Variants in MTFR1L observed in about 807,000 individuals in gnomAD.
MTFR1L encodes the protein mitochondrial fission regulator 1 like.
MTFR1L carries 10 observed loss-of-function variants against 27.9 expected under a neutral mutation model. That is an observed-to-expected ratio of 0.36 (90% CI 0.22 to 0.61). The LOEUF is 0.61. MTFR1L is among the 20% of genes least tolerant of loss of function. The probability of loss-of-function intolerance (pLI) is 0.73; values close to 1 mark genes in which losing one functional copy is unlikely to be tolerated. For synonymous variants in MTFR1L, 151 were observed against 139.4 expected (o/e 1.08, Z -0.58); for missense variants, 315 against 363.7 (o/e 0.87, Z 1.09).
Position 25,832,161 on chromosome 1 carries a change from G to C in MTFR1L, c.*135G>C, listed in dbSNP as rs1452088194. The C allele has an allele frequency of 6.4e-7, 1 of 1,556,820 alleles. No homozygotes were observed. Among genetic ancestry groups the C allele is most frequent in the Admixed American group, 1.9e-5 (1 of 51,904 alleles). ...TTGCTGACAAGCTAGAGCTTGGACT[G>C]AAAGAGAAGAGCTGGATTATATATT... On this transcript the variant is annotated 3_prime_UTR_variant, in exon 7 of 7. Transcript: ENST00000374303.
rs1175361277 is a variant in MTFR1L, at chr1:25,832,619, G to GT, written c.*601dup. 12 of 166,832 alleles carry GT rather than the reference G, an allele frequency of 7.2e-5. No homozygotes were observed. The highest frequency in any genetic ancestry group is 5.3e-5 in the Non-Finnish European group (4 of 74,914). 10.3% of individuals were successfully genotyped at this position (166,832 alleles called of 1,614,324 possible). On this transcript the variant is annotated 3_prime_UTR_variant, in exon 7 of 7. Coordinates refer to ENST00000374303, the MANE Select transcript of MTFR1L (RefSeq NM_001099625.2). The stretch of plus-strand genomic sequence containing the variant: ...GGGCTACTGCTGGGAAGCCTGGGCT[G>GT]TTTTTTTTCTTAAACACATTTTATA...
intron 2 of MTFR1L, 52 bp from the exon 3 acceptor site, chr1:25,823,592 G>A (rs1487334914): frequency 4.4e-6 from 7 of 1,596,430 alleles, no homozygotes; most frequent in Non-Finnish European, 6.0e-6. Context: ...GACAAGGACA[G>A]TAGTTGGATT....
rs2048063303 is a variant in MTFR1L at position 25,819,990 on chromosome 1, G to C, written c.-126G>C. On this transcript the variant is annotated 5_prime_UTR_variant, in exon 1 of 7. Coordinates refer to ENST00000374303, the MANE Select transcript of MTFR1L (RefSeq NM_001099625.2). ...GGCTGGGCGGCCCAAGGTGGAAGGA[G>C]GGGCCGTGAGGTGAGAGAGTCCGGG... 1 of 334,200 alleles carries C rather than the reference G, an allele frequency of 3.0e-6. No individual in the cohort carries two copies. Among genetic ancestry groups the C allele is most frequent in the East Asian group, 1.1e-4 (1 of 9,124 alleles). The allele number at this position is 334,200 out of a possible 1,614,324, so 20.7% of individuals were successfully genotyped here.
At position 25,832,007 on chromosome 1, in the gene MTFR1L, T is replaced by G. The variant is rs190048702; in HGVS notation, c.860T>G (p.Ile287Ser). 8 of 1,614,050 alleles carry G rather than the reference T, an allele frequency of 5.0e-6. No homozygotes were observed. The highest frequency in any genetic ancestry group is 1.6e-4 in the Middle Eastern group (1 of 6,084). The change falls in exon 7 of 7, where the codon ATC (isoleucine) becomes AGC (serine). Residue 287 changes from isoleucine to serine, a missense_variant. Transcript: ENST00000374303. ...RRKFALKEEDISRKGN is the reference protein window; with the variant it reads ...RRKFALKEEDSSRKGN ...AAGTTTGCTCTAAAGGAAGAAGATA[T>G]CAGTAGAAAAGGAAATTGACAACCC... is the stretch of plus-strand genomic sequence containing the variant.
chr1:25,831,092 CAGA>C (rs2048233927), intron 6 of MTFR1L, among the ~76,000 whole-genome samples: 1 of 152,200 alleles, frequency 6.6e-6, no homozygotes. Context: ...GTCCTCAGAT[CAGA>C]AGGAGCTGGG....
intron 6 of MTFR1L, 48 bp from the exon 7 acceptor site, chr1:25,831,873 G>A: frequency 7.0e-7 from 1 of 1,422,022 alleles, no homozygotes; most frequent in Non-Finnish European, 9.9e-7. Context: ...AAGATATACA[G>A]CACTACACAG....
Position 25,826,526 on chromosome 1 carries a change from A to C in MTFR1L, c.240-89A>C. 1 of 1,573,074 alleles carries C rather than the reference A, an allele frequency of 6.4e-7. No individual in the cohort carries two copies. The highest frequency in any genetic ancestry group is 1.1e-5 in the South Asian group (1 of 89,762). ...GCTCAGAGAGGAGCAGAACCTTACTATACTACTCTCACAGAAGTGGGGGAA... is the reference window on the plus strand; with the variant it reads ...GCTCAGAGAGGAGCAGAACCTTACTCTACTACTCTCACAGAAGTGGGGGAA... On this transcript the variant is annotated intron_variant, in intron 4 of 6. Coordinates refer to ENST00000374303, the MANE Select transcript of MTFR1L (RefSeq NM_001099625.2). The surrounding 1 kb of genome is among the most constrained non-coding windows in gnomAD (Gnocchi z 4.1).
At chr1:25,825,178 C>G (rs767909633) in intron 3 of MTFR1L, among the ~76,000 whole-genome samples, 1 of 152,004 alleles carries the variant, frequency 6.6e-6, no homozygotes, top group South Asian at 2.1e-4. Flanking sequence ...AATGCAGGAG[C>G]GATCAATCCT....
chr1:25,829,845 A>C lies in MTFR1L; in HGVS notation c.773+15A>C. On this transcript the variant is annotated intron_variant, in intron 6 of 6. Transcript: ENST00000374303. ...AGTCAAGATCTGTAAGTATCTGATG[A>C]GGAGCTCTGGTATCTATTTACTCAG... 1 of 1,581,794 alleles carries C rather than the reference A, an allele frequency of 6.3e-7. No homozygotes were observed. The highest frequency in any genetic ancestry group is 8.6e-7 in the Non-Finnish European group (1 of 1,168,750).
chr1:25,819,995 C>T lies in MTFR1L; in HGVS notation c.-121C>T, dbSNP rs183283816. On this transcript the variant is annotated 5_prime_UTR_variant, in exon 1 of 7. Transcript: ENST00000374303. The stretch of plus-strand genomic sequence containing the variant: ...GGCGGCCCAAGGTGGAAGGAGGGGC[C>T]GTGAGGTGAGAGAGTCCGGGAGCCC... 4 of 340,910 alleles carry T rather than the reference C, an allele frequency of 1.2e-5. No homozygotes were observed. The highest frequency in any genetic ancestry group is 6.8e-5 in the African/African-American group (3 of 44,264). The allele number at this position is 340,910 out of a possible 1,614,324, so 21.1% of individuals were successfully genotyped here. A position where few individuals can be genotyped will look rare whatever the true frequency, so the allele number is the denominator to read the frequency against.
Position 25,823,140 on chromosome 1 carries a change from T to TC in MTFR1L, c.24+15dup. ...TGGAAGCCACTGTGGTAAGGGGCAT[T>TC]CCCAGGGCAGGGGTATGGTGGGGAA... On this transcript the variant is annotated intron_variant, in intron 2 of 6. Coordinates refer to ENST00000374303, the MANE Select transcript of MTFR1L (RefSeq NM_001099625.2). The TC allele has an allele frequency of 2.5e-6, 4 of 1,613,528 alleles. No homozygotes were observed. The highest frequency in any genetic ancestry group is 3.4e-6 in the Non-Finnish European group (4 of 1,179,434).
chr1:25,832,083 C>G lies in MTFR1L; in HGVS notation c.*57C>G. 6.2e-7 allele frequency: 1 copy of G among 1,613,094 alleles called. No homozygotes were observed. On this transcript the variant is annotated 3_prime_UTR_variant, in exon 7 of 7. Transcript: ENST00000374303. The stretch of plus-strand genomic sequence containing the variant: ...CTCCTGGAATACCTTCAATAGCTGC[C>G]TTCCTCACCGCAGATGTTTCTGCCT...
rs1411560159 is a variant in MTFR1L at position 25,829,750 on chromosome 1, C to T, written c.693C>T (p.Val231=). ...ACSSSEEDDC[V]SLSKASSFAD... ...GTTCGTCTGAAGAGGATGACTGCGTCTCTTTGTCCAAGGCCAGCAGCTTTG... is the reference window on the plus strand; with the variant it reads ...GTTCGTCTGAAGAGGATGACTGCGTTTCTTTGTCCAAGGCCAGCAGCTTTG... The change falls in exon 6 of 7, where the codon GTC becomes GTT. Residue 231 remains valine (V), a synonymous_variant. Transcript: ENST00000374303. 6.8e-6 allele frequency: 11 copies of T among 1,613,064 alleles called. No individual in the cohort carries two copies. Among genetic ancestry groups the T allele is most frequent in the East Asian group, 4.5e-5 (2 of 44,900 alleles).
Position 25,831,915 on chromosome 1 carries a change from C to T in MTFR1L, c.774-6C>T. 6.2e-7 allele frequency: 1 copy of T among 1,612,108 alleles called. No homozygotes were observed. Among genetic ancestry groups the T allele is most frequent in the Non-Finnish European group, 8.5e-7 (1 of 1,178,208 alleles). ...GTAAGTACTCAAGCTATTATTGTGT[C>T]TCTAGGAACCGGAGTTTATTGAAGG... On this transcript the variant is annotated splice_region_variant and splice_polypyrimidine_tract_variant and intron_variant, in intron 6 of 6. Transcript: ENST00000374303.
chr1:25,823,126 G>C lies in MTFR1L; in HGVS notation c.22G>C (p.Val8Leu). ...TCAAATGTCAGGAATGGAAGCCACT[G>C]TGGTAAGGGGCATTCCCAGGGCAGG... MSGMEAT[V>L]TIPIWQNKPH... Residue 8 changes from valine (V) to leucine (L), a missense_variant and splice_region_variant, in exon 2 of 7, where the codon GTG becomes CTG. Val to Leu is a conservative substitution (Grantham distance 32). Coordinates refer to ENST00000374303, the MANE Select transcript of MTFR1L (RefSeq NM_001099625.2). 6.2e-7 allele frequency: 1 copy of C among 1,614,162 alleles called. No homozygotes were observed. Among genetic ancestry groups the C allele is most frequent in the Non-Finnish European group, 8.5e-7 (1 of 1,179,982 alleles).
intron 3 of MTFR1L, 79 bp downstream of exon 3, chr1:25,823,827 AG>A: frequency 6.6e-7 from 1 of 1,514,532 alleles, no homozygotes. Flanking sequence ...GTACTGCCCA[AG>A]TAGGTTGTTT....
rs535249468 is a variant in MTFR1L, at chr1:25,831,860, C to CA, written c.774-57dup. 6.4e-4 allele frequency: 853 copies of CA among 1,335,596 alleles called. 1 individual carries two copies. Among genetic ancestry groups the CA allele is most frequent in the Non-Finnish European group, 8.7e-4 (807 of 929,120 alleles). The allele number at this position is 1,335,596 out of a possible 1,614,324, so 82.7% of individuals were successfully genotyped here. On this transcript the variant is annotated intron_variant, in intron 6 of 6. Coordinates refer to ENST00000374303, the MANE Select transcript of MTFR1L (RefSeq NM_001099625.2). ...TGAGGATTCAACGAGATAATGTATT[C>CA]AAAAGATATACAGCACTACACAGGA...
At chr1:25,823,167 G>A in intron 2 of MTFR1L, 39 bp downstream of exon 2, 2 of 1,593,288 alleles carry the variant, frequency 1.3e-6, no homozygotes, top group South Asian at 2.2e-5. Flanking sequence ...GGTGGGGAAG[G>A]TTGGGTGCTG....
In MTFR1L at chr1:25,826,690, C is replaced by G. The variant is rs1466272610; in HGVS notation, c.315C>G (p.Pro105=). The part of the protein sequence containing the change: ...LIVMQRNASV[P]NLRGSEERLL... The stretch of plus-strand genomic sequence containing the variant: ...TCATGCAGCGCAATGCCTCTGTTCC[C>G]AACCTGCGTGGGTCCGAGGAGAGGC... Residue 105 remains proline, a synonymous_variant, in exon 5 of 7, where the codon CCC becomes CCG. Coordinates refer to ENST00000374303, the MANE Select transcript of MTFR1L (RefSeq NM_001099625.2). This position sits in a 1 kb window ranked among gnomAD's most constrained non-coding sequence, Gnocchi z 4.1. 1.2e-6 allele frequency: 2 copies of G among 1,614,196 alleles called. No homozygotes were observed. Among genetic ancestry groups the G allele is most frequent in the South Asian group, 2.2e-5 (2 of 91,080 alleles).
Sources: gnomAD v4.1 joint callset for allele counts (sites outside exome capture counted in the v4.1 genomes callset) on GRCh38, gnomAD v4.1.1 for gene constraint, Gnocchi (gnomAD v3.1) non-coding constraint, MANE v1.5 for transcripts, NCBI Gene and HGNC (gene_info 2026-07-23, HGNC 2026-07-21) for gene names.